Variants in FAM177A1 observed in about 807,000 individuals in gnomAD.
The protein encoded by FAM177A1 is family with sequence similarity 177 member A1, also known as protein FAM177A1.
In FAM177A1, 22 loss-of-function variants were observed where a neutral mutation model predicts 26.1. That is an observed-to-expected ratio of 0.84 (90% CI 0.60 to 1.20). The LOEUF (loss-of-function observed/expected upper bound fraction) is 1.20, where lower values mean the gene tolerates loss of function less well. Among genes scored for constraint, FAM177A1 ranks in the 50% most tolerant of loss-of-function variants. FAM177A1 has a pLI of 0.00. For synonymous variants in FAM177A1, 95 were observed against 99.3 expected (o/e 0.96, Z 0.26); for missense variants, 296 against 291.1 (o/e 1.02, Z -0.12).
chr14:35,046,929 C>T (rs2044877168), intron 1 of FAM177A1: 3 of 1,180,454 alleles, frequency 2.5e-6, no homozygotes, highest in Admixed American at 9.5e-5. Flanking sequence ...CCCCCAAAGG[C>T]TGTCCTTGCA....
chr14:35,057,288 T>A (rs1265546152), intron 2 of FAM177A1, among the ~76,000 whole-genome samples: 2 of 152,190 alleles, frequency 1.3e-5, no homozygotes, highest in African/African-American at 2.4e-5. Context: ...TTCGAACTCA[T>A]GGGCTCAAGC....
At chr14:35,047,626 G>C (rs1203487845) in intron 1 of FAM177A1, among the ~76,000 whole-genome samples, 1 of 152,162 alleles carries the variant, frequency 6.6e-6, no homozygotes, top group Non-Finnish European at 1.5e-5. Flanking sequence ...GCGCTCGCCT[G>C]TAGTCCCAGC....
chr14:35,073,032 G>C (rs2045346523), intron 2 of FAM177A1, among the ~76,000 whole-genome samples: 1 of 152,104 alleles, frequency 6.6e-6, no homozygotes, highest in African/African-American at 2.4e-5. Flanking sequence ...AATCCTTCCA[G>C]ACTTTCATGA....
rs760207725 is a variant in FAM177A1, at chr14:35,046,415, C to T, written c.-49C>T. On this transcript the variant is annotated 5_prime_UTR_variant, in exon 1 of 5. Coordinates refer to ENST00000280987, the MANE Select transcript of FAM177A1 (RefSeq NM_173607.5). ...AGGCGGGCGCTGGGCGGGTGAGTCC[C>T]ACTTCCCGACAGCCTGGCTCGGCCA... 6.1e-6 allele frequency: 9 copies of T among 1,471,788 alleles called. No individual in the cohort carries two copies. The South Asian group carries it at 1.1e-4, about 17-fold the overall frequency. The allele number at this position is 1,471,788 out of a possible 1,614,324, so 91.2% of individuals were successfully genotyped here.
intron 2 of FAM177A1, among the ~76,000 whole-genome samples, chr14:35,073,810 C>T (rs1595055593): frequency 2.0e-5 from 3 of 152,276 alleles, no homozygotes; most frequent in African/African-American, 7.2e-5. Flanking sequence ...TCCCTTTCTG[C>T]CTTGAATCCT....
chr14:35,076,932 A>G (rs1011045531), intron 2 of FAM177A1, among the ~76,000 whole-genome samples: 2 of 152,138 alleles, frequency 1.3e-5, no homozygotes, highest in Non-Finnish European at 2.9e-5. Flanking sequence ...TGATTCTTCT[A>G]TGGGCTTAAG....
intron 3 of FAM177A1, 67 bp from the exon 4 acceptor site, chr14:35,078,860 T>G: frequency 1.8e-6 from 2 of 1,127,848 alleles, no homozygotes; most frequent in South Asian, 3.7e-5. Flanking sequence ...TACAGTGTCT[T>G]ACACATAGAA....
At chr14:35,066,457 G>T (rs944715030) in intron 2 of FAM177A1, among the ~76,000 whole-genome samples, 1 of 150,154 alleles carries the variant, frequency 6.7e-6, no homozygotes, top group African/African-American at 2.5e-5. Context: ...CCAGGCTGGA[G>T]TGCAGTGGCG....
At chr14:35,080,900 T>C in intron 4 of FAM177A1, 122 bp from the exon 5 acceptor site, 1 of 1,357,184 alleles carries the variant, frequency 7.4e-7, no homozygotes, top group Non-Finnish European at 9.6e-7. Context: ...CCAAACTGAT[T>C]TGAACATGAC....
chr14:35,080,038 C>G (rs1323672685), intron 4 of FAM177A1, among the ~76,000 whole-genome samples: 1 of 83,366 alleles, frequency 1.2e-5, no homozygotes, highest in East Asian at 3.6e-4. Flanking sequence ...GGCTATTATA[C>G]TAGCCTCCTA....
At chr14:35,058,438 C>T (rs2045096635) in intron 2 of FAM177A1, among the ~76,000 whole-genome samples, 1 of 152,156 alleles carries the variant, frequency 6.6e-6, no homozygotes, top group Non-Finnish European at 1.5e-5. Flanking sequence ...CCCTCTCTTT[C>T]TGTCAGATTT....
chr14:35,070,977 C>G (rs1324084301), intron 2 of FAM177A1, among the ~76,000 whole-genome samples: 1 of 150,342 alleles, frequency 6.7e-6, no homozygotes, highest in East Asian at 1.9e-4. Flanking sequence ...CTTATATTGA[C>G]CTCCATTTTC....
upstream of FAM177A1, chr14:35,046,089 G>A: frequency 5.8e-6 from 1 of 172,990 alleles, no homozygotes; most frequent in Non-Finnish European, 1.2e-5. Flanking sequence ...CCCAGACGCC[G>A]CTGGTGACGG....
chr14:35,059,040 A>G (rs1021809459), intron 2 of FAM177A1, among the ~76,000 whole-genome samples: 1 of 151,698 alleles, frequency 6.6e-6, no homozygotes, highest in African/African-American at 2.4e-5. Context: ...GGTTCACGCC[A>G]TTCTCCTGCC....
intron 2 of FAM177A1, among the ~76,000 whole-genome samples, chr14:35,067,520 T>C (rs988098090): frequency 2.0e-5 from 3 of 152,230 alleles, no homozygotes; most frequent in Admixed American, 1.3e-4. Flanking sequence ...GATATACTGA[T>C]TCCAGTTCCT....
At chr14:35,050,686 C>T (rs2044952437) in intron 1 of FAM177A1, 1 of 152,164 alleles carries the variant, frequency 6.6e-6, no homozygotes, top group Non-Finnish European at 1.5e-5. Context: ...TCTGAGCTCT[C>T]TATTCACTGA....
At chr14:35,054,534 A>G (rs1235527317) in intron 2 of FAM177A1, 1 of 152,208 alleles carries the variant, frequency 6.6e-6, no homozygotes, top group African/African-American at 2.4e-5. Context: ...GTGAGAAGAC[A>G]GGCAATAAAT....
chr14:35,081,361 T>C lies in FAM177A1; in HGVS notation c.*133T>C. 1.1e-6 allele frequency: 1 copy of C among 939,408 alleles called. No homozygotes were observed. The highest frequency in any genetic ancestry group is 2.4e-5 in the South Asian group (1 of 41,184). The allele number at this position is 939,408 out of a possible 1,614,324, so 58.2% of individuals were successfully genotyped here. A position where few individuals can be genotyped will look rare whatever the true frequency, so the allele number is the denominator to read the frequency against. ...TATTAAAGTATCTGGAAAGGGAAAATGTTTTCTTCATTTTTAGGATCTATC... is the reference window on the plus strand; with the variant it reads ...TATTAAAGTATCTGGAAAGGGAAAACGTTTTCTTCATTTTTAGGATCTATC... On this transcript the variant is annotated 3_prime_UTR_variant, in exon 5 of 5. Coordinates refer to ENST00000280987, the MANE Select transcript of FAM177A1 (RefSeq NM_173607.5).
chr14:35,047,060 T>G, intron 1 of FAM177A1: 1 of 982,472 alleles, frequency 1.0e-6, no homozygotes, highest in Non-Finnish European at 1.2e-6. Flanking sequence ...TTTAATTCAC[T>G]GGATCCTTAC....
Sources: allele counts gnomAD v4.1 joint callset (sites outside exome capture counted in the v4.1 genomes callset), GRCh38; gene constraint gnomAD v4.1.1; transcripts MANE v1.5; gene names NCBI Gene and HGNC (gene_info 2026-07-23, HGNC 2026-07-21).